Variants in ALG6 observed in about 807,000 individuals in gnomAD.
ALG6 encodes the protein ALG6 alpha-1,3-glucosyltransferase, also known as dolichyl pyrophosphate Man9GlcNAc2 alpha-1,3-glucosyltransferase.
Under a neutral mutation model 66.6 loss-of-function variants are expected in ALG6, and 46 were observed. The observed-to-expected ratio is 0.69, with a 90% CI of 0.55 to 0.88. ALG6 has a LOEUF of 0.88. Ranked by LOEUF, ALG6 falls within the 40% of genes least tolerant of loss-of-function variation. ALG6 has a pLI of 0.00. For synonymous variants in ALG6, 185 were observed against 203.7 expected (o/e 0.91, Z 0.78); for missense variants, 505 against 586.8 (o/e 0.86, Z 1.44).
At chr1:63,403,363 G>A (rs986467836) in intron 4 of ALG6, among the ~76,000 whole-genome samples, 1 of 152,038 alleles carries the variant, frequency 6.6e-6, no homozygotes, top group Non-Finnish European at 1.5e-5. Flanking sequence ...TAATTGTAGT[G>A]TTTCATTTGT....
At chr1:63,399,297 A>G (rs1386632549) in intron 3 of ALG6, among the ~76,000 whole-genome samples, 1 of 152,234 alleles carries the variant, frequency 6.6e-6, no homozygotes, top group Non-Finnish European at 1.5e-5. Flanking sequence ...AGAATATTAC[A>G]TGTACGTGAA....
At chr1:63,418,191 G>A (rs1038055544) in intron 11 of ALG6, among the ~76,000 whole-genome samples, 8 of 151,028 alleles carry the variant, frequency 5.3e-5, no homozygotes, top group African/African-American at 1.9e-4. Flanking sequence ...GAGGTTAGGG[G>A]ACACTTAGAT....
chr1:63,387,759 C>T (rs1304673015), intron 2 of ALG6, among the ~76,000 whole-genome samples: 2 of 151,848 alleles, frequency 1.3e-5, no homozygotes, highest in African/African-American at 4.8e-5. Context: ...CCAGGCTGGT[C>T]TTGAACTCCT....
At chr1:63,432,391 A>C (rs955303542) in intron 14 of ALG6, among the ~76,000 whole-genome samples, 8 of 152,184 alleles carry the variant, frequency 5.3e-5, no homozygotes, top group African/African-American at 1.9e-4. Context: ...CACTGGCTTC[A>C]GTTTGACAGT....
chr1:63,400,273 ATATATATACG>A lies in ALG6; in HGVS notation c.168-1972_168-1963del, dbSNP rs1280602723. On this transcript the variant is annotated intron_variant, in intron 3 of 14. Coordinates refer to ENST00000263440, the MANE Select transcript of ALG6 (RefSeq NM_013339.4). ...TATATATGTATATATATATACGTAT[ATATATATACG>A]TATATATATATACGTATATATATGT... Among the ~76,000 whole-genome samples the A allele has an allele frequency of 5.2e-3, 121 of 23,338 alleles. 7 individuals are homozygous for A. Among genetic ancestry groups the A allele is most frequent in the African/African-American group, 9.2e-3 (23 of 2,492 alleles). The allele number at this position is 23,338 out of a possible 152,430, so 15.3% of individuals were successfully genotyped here. A position where few individuals can be genotyped will look rare whatever the true frequency, so the allele number is the denominator to read the frequency against.
chr1:63,405,936 A>T (rs1644487964), intron 5 of ALG6, among the ~76,000 whole-genome samples: 1 of 152,074 alleles, frequency 6.6e-6, no homozygotes, highest in African/African-American at 2.4e-5. Flanking sequence ...CCAACATTTA[A>T]AAAAGATTTT....
chr1:63,368,280 C>G (rs1647792484), intron 1 of ALG6, among the ~76,000 whole-genome samples: 2 of 152,110 alleles, frequency 1.3e-5, no homozygotes, highest in South Asian at 4.1e-4. Context: ...CGTTAAAAGC[C>G]TCGCATAATA....
chr1:63,382,669 TTTTTTTTTTG>T (rs1648363615), intron 2 of ALG6, among the ~76,000 whole-genome samples: 2 of 110,546 alleles, frequency 1.8e-5, no homozygotes, highest in African/African-American at 7.1e-5. Context: ...TTTTTTGTTT[TTTTTTTTTTG>T]TTTTTTTTTT....
At chr1:63,379,053 T>C (rs1648220940) in intron 2 of ALG6, among the ~76,000 whole-genome samples, 1 of 152,170 alleles carries the variant, frequency 6.6e-6, no homozygotes, top group Admixed American at 6.5e-5. Context: ...GTTTCTTATC[T>C]AAAAATTCTC....
intron 11 of ALG6, among the ~76,000 whole-genome samples, chr1:63,418,376 C>A (rs1361060138): frequency 2.0e-5 from 3 of 150,404 alleles, no homozygotes; most frequent in Non-Finnish European, 4.4e-5. Flanking sequence ...AAGTGAATGA[C>A]CAACCAGAAG....
At chr1:63,435,625 A>C (rs1644673997) in intron 14 of ALG6, among the ~76,000 whole-genome samples, 1 of 152,180 alleles carries the variant, frequency 6.6e-6, no homozygotes, top group Admixed American at 6.6e-5. Flanking sequence ...GTACTGTGCT[A>C]GGGATAAAAT....
intron 14 of ALG6, among the ~76,000 whole-genome samples, chr1:63,432,282 A>G (rs1027328395): frequency 6.8e-6 from 1 of 146,716 alleles, no homozygotes; most frequent in Admixed American, 6.7e-5. Flanking sequence ...TTATTCTATT[A>G]TATGACATAT....
intron 2 of ALG6, among the ~76,000 whole-genome samples, chr1:63,386,358 A>G (rs1311129304): frequency 6.6e-6 from 1 of 151,498 alleles, no homozygotes; most frequent in Non-Finnish European, 1.5e-5. Flanking sequence ...TATTCTCTCT[A>G]TTTTTTGGAA....
intron 14 of ALG6, among the ~76,000 whole-genome samples, chr1:63,431,823 T>C (rs1644647188): frequency 1.3e-5 from 2 of 152,220 alleles, no homozygotes; most frequent in African/African-American, 4.8e-5. Context: ...CTTAATTTCA[T>C]TTTCATAATG....
At chr1:63,370,626 A>G (rs1647890962) in intron 1 of ALG6, 145 bp from the exon 2 acceptor site, 1 of 282,006 alleles carries the variant, frequency 3.5e-6, no homozygotes, top group Non-Finnish European at 6.8e-6. Flanking sequence ...ACTAGGGAAT[A>G]AGGAACTTAA....
At chr1:63,367,741 C>T (rs1206108407) in intron 1 of ALG6, 54 bp downstream of exon 1, 1 of 152,292 alleles carries the variant, frequency 6.6e-6, no homozygotes, top group Admixed American at 6.5e-5. Context: ...TGGGGAGGTG[C>T]CGGGGGCTCG....
intron 12 of ALG6, among the ~76,000 whole-genome samples, chr1:63,422,291 T>G (rs1285246877): frequency 4.3e-5 from 3 of 69,224 alleles, no homozygotes; most frequent in African/African-American, 7.6e-5. Flanking sequence ...ATATATATAT[T>G]TATATAGATA....
intron 12 of ALG6, among the ~76,000 whole-genome samples, chr1:63,422,449 A>C (rs1211199481): frequency 4.8e-5 from 6 of 124,262 alleles, no homozygotes; most frequent in Admixed American, 9.5e-5. Flanking sequence ...ATATAAATAT[A>C]TATATAAATA....
At chr1:63,407,508 A>G (rs1286392964) in intron 7 of ALG6, among the ~76,000 whole-genome samples, 2 of 152,098 alleles carry the variant, frequency 1.3e-5, no homozygotes, top group Middle Eastern at 3.2e-3. Flanking sequence ...TATGAGTTTA[A>G]AAATTTTTTT....
Sources: gnomAD v4.1 joint callset for allele counts (sites outside exome capture counted in the v4.1 genomes callset) on GRCh38, gnomAD v4.1.1 for gene constraint, MANE v1.5 for transcripts, NCBI Gene and HGNC (gene_info 2026-07-23, HGNC 2026-07-21) for gene names.